PXK: variants seen among roughly 807,000 people sequenced by gnomAD.
PXK encodes the protein PX domain containing serine/threonine kinase like.
Under a neutral mutation model 84.7 loss-of-function variants are expected in PXK, and 35 were observed. The ratio of observed to expected loss-of-function variants is 0.41; its 90% confidence interval spans 0.32 to 0.55. PXK has a LOEUF of 0.55. Ranked by LOEUF, PXK falls within the 20% of genes least tolerant of loss-of-function variation. The probability of loss-of-function intolerance (pLI) is 0.21; values close to 1 mark genes in which losing one functional copy is unlikely to be tolerated. For missense variants in PXK, 634 were observed against 699.7 expected, an observed-to-expected ratio of 0.91 and a Z score of 1.06; for synonymous variants, 253 against 260.8, an observed-to-expected ratio of 0.97 and a Z score of 0.29.
Position 58,411,552 on chromosome 3 carries a change from G to A in PXK, c.1466-1349G>A, listed in dbSNP as rs2060207234. On this transcript the variant is annotated intron_variant, in intron 16 of 17. Coordinates refer to ENST00000356151, the MANE Select transcript of PXK (RefSeq NM_017771.5). The surrounding 1 kb of genome is among the most constrained non-coding windows in gnomAD (Gnocchi z 4.2). ...ATACTGAGACTCATGATTCCAACCA[G>A]CAGTCATTCTGTCCAGTAGCTAATT... Among the ~76,000 whole-genome samples the A allele has an allele frequency of 6.6e-6, 1 of 152,144 alleles. No homozygotes were observed. Among genetic ancestry groups the A allele is most frequent in the African/African-American group, 2.4e-5 (1 of 41,424 alleles).
chr3:58,342,686 T>A (rs1487138818), intron 1 of PXK, among the ~76,000 whole-genome samples: 1 of 151,246 alleles, frequency 6.6e-6, no homozygotes, highest in Non-Finnish European at 1.5e-5. Flanking sequence ...TTTTTAAAAC[T>A]GTAAACTTGG....
In PXK at chr3:58,409,626, T is replaced by C. The variant is rs2059894721; in HGVS notation, c.1395+8T>C. The stretch of plus-strand genomic sequence containing the variant: ...AAGATTTTAGCTCGAAAGGTAAGCC[T>C]GCTGTCTCTCTGCAGTCCCTCTATG... On this transcript the variant is annotated splice_region_variant and intron_variant, in intron 15 of 17. Coordinates refer to ENST00000356151, the MANE Select transcript of PXK (RefSeq NM_017771.5). The surrounding 1 kb of genome is among the most constrained non-coding windows in gnomAD (Gnocchi z 4.2). The C allele has an allele frequency of 6.2e-7, 1 of 1,606,220 alleles. No homozygotes were observed.
At chr3:58,354,872 CT>C (rs1176380451) in intron 1 of PXK, among the ~76,000 whole-genome samples, 2 of 151,992 alleles carry the variant, frequency 1.3e-5, no homozygotes, top group African/African-American at 4.8e-5. Flanking sequence ...AATCCCAACA[CT>C]TTTGGAGACT....
intron 1 of PXK, among the ~76,000 whole-genome samples, chr3:58,359,093 C>G (rs2098137371): frequency 6.6e-6 from 1 of 152,196 alleles, no homozygotes; most frequent in Non-Finnish European, 1.5e-5. Flanking sequence ...TCACAATTGG[C>G]AGCAACATCT....
chr3:58,412,498 C>T lies in PXK; in HGVS notation c.1466-403C>T, dbSNP rs1200930997. On this transcript the variant is annotated intron_variant, in intron 16 of 17. Coordinates refer to ENST00000356151, the MANE Select transcript of PXK (RefSeq NM_017771.5). The surrounding 1 kb of genome is among the most constrained non-coding windows in gnomAD (Gnocchi z 6.2). ...GGATGCTGTACGGGGCACTCCCTTC[C>T]TTTGGAAGCCCCCAGCAGGCTGCTC... Among the ~76,000 whole-genome samples, 3 of 152,132 alleles carry T rather than the reference C, an allele frequency of 2.0e-5. No individual in the cohort carries two copies. The highest frequency in any genetic ancestry group is 4.8e-5 in the African/African-American group (2 of 41,424).
At chr3:58,372,629 A>C (rs1464447795) in intron 3 of PXK, among the ~76,000 whole-genome samples, 4 of 145,920 alleles carry the variant, frequency 2.7e-5, no homozygotes, top group African/African-American at 1.0e-4. Flanking sequence ...TGCATTTTCT[A>C]AAGTTTTTTT....
rs1383036725 is a variant in PXK at position 58,401,573 on chromosome 3, C to T, written c.1181+2196C>T. ...CCTAGGAATTTGAGGTTGCAGTGAG[C>T]TGTGAACTCACCACTGCACTCCAGC... On this transcript the variant is annotated intron_variant, in intron 12 of 17. Transcript: ENST00000356151. The surrounding 1 kb of genome is among the most constrained non-coding windows in gnomAD (Gnocchi z 4.4). 2.0e-5 allele frequency among the ~76,000 whole-genome samples: 3 copies of T among 152,272 alleles called. No homozygotes were observed. In the East Asian group the frequency reaches 5.8e-4, roughly 29 times the overall value.
rs1384077203 is a variant in PXK at position 58,390,812 on chromosome 3, CT to C, written c.466+157del. On this transcript the variant is annotated intron_variant, in intron 5 of 17. Transcript: ENST00000356151. The surrounding 1 kb of genome is among the most constrained non-coding windows in gnomAD (Gnocchi z 4.2). The stretch of plus-strand genomic sequence containing the variant: ...AACTGCTTGAGGATACAGCTGGTAA[CT>C]TTTAATACTTAATGAACCTTGGTTA... 6.6e-6 allele frequency among the ~76,000 whole-genome samples: 1 copy of C among 152,170 alleles called. No individual in the cohort carries two copies. The highest frequency in any genetic ancestry group is 1.5e-5 in the Non-Finnish European group (1 of 68,032).
chr3:58,395,286 T>C (rs2057467637), intron 8 of PXK, among the ~76,000 whole-genome samples, 184 bp downstream of exon 8: 1 of 152,254 alleles, frequency 6.6e-6, no homozygotes, highest in Non-Finnish European at 1.5e-5. Context: ...GAGCATTCCT[T>C]TTCCCATGTG....
chr3:58,424,913 T>C lies in PXK; in HGVS notation c.1690T>C (p.Leu564=). ...SSIQNFQKGT[L]RKAKTCDHSA... is the part of the protein sequence containing the mutation. ...CATCCAGAATTTCCAAAAAGGAACT[T>C]TGAGGAAAGCCAAAACCTGTGATCA... Residue 564 remains leucine, a synonymous_variant, in exon 18 of 18, where the codon TTG becomes CTG. Coordinates refer to ENST00000356151, the MANE Select transcript of PXK (RefSeq NM_017771.5). 1 of 1,614,126 alleles carries C rather than the reference T, an allele frequency of 6.2e-7. No homozygotes were observed.
chr3:58,420,304 A>T (rs1225283672), intron 17 of PXK, among the ~76,000 whole-genome samples: 3 of 152,356 alleles, frequency 2.0e-5, no homozygotes, highest in East Asian at 3.9e-4. Context: ...TGGCTCAAAA[A>T]GCGACTCATT....
At chr3:58,347,325 A>G (rs1464182082) in intron 1 of PXK, among the ~76,000 whole-genome samples, 1 of 152,190 alleles carries the variant, frequency 6.6e-6, no homozygotes, top group East Asian at 1.9e-4. Flanking sequence ...AAATCTTGAC[A>G]AATATATATA....
Sources: allele counts gnomAD v4.1 joint callset (sites outside exome capture counted in the v4.1 genomes callset), GRCh38; gene constraint gnomAD v4.1.1; non-coding constraint Gnocchi (gnomAD v3.1); transcripts MANE v1.5; gene names NCBI Gene and HGNC (gene_info 2026-07-23, HGNC 2026-07-21).